SPTBN2: variants seen among roughly 807,000 people sequenced by gnomAD.
The protein encoded by SPTBN2 is spectrin beta chain, non-erythrocytic 2.
A neutral mutation model predicts 284.2 loss-of-function variants in SPTBN2; 107 were observed. The observed-to-expected ratio is 0.38, with a 90% CI of 0.32 to 0.44. The LOEUF (loss-of-function observed/expected upper bound fraction) is 0.44. Ranked by LOEUF, SPTBN2 falls within the 20% of genes least tolerant of loss-of-function variation. The probability of loss-of-function intolerance (pLI) is 1.00; values close to 1 mark genes in which losing one functional copy is unlikely to be tolerated. For synonymous variants in SPTBN2, 1,289 were observed against 1,354.8 expected (o/e 0.95, Z 1.07); for missense variants, 2,569 against 3,287.1 (o/e 0.78, Z 5.34).
intron 1 of SPTBN2, among the ~76,000 whole-genome samples, chr11:66,743,783 A>G (rs951281408): frequency 6.6e-6 from 1 of 152,140 alleles, no homozygotes; most frequent in Non-Finnish European, 1.5e-5. Flanking sequence ...CCCAGGTCCC[A>G]CCTTTGCGGG....
upstream of SPTBN2, among the ~76,000 whole-genome samples, chr11:66,731,234 T>C (rs897164014): frequency 6.6e-6 from 1 of 152,222 alleles, no homozygotes; most frequent in African/African-American, 2.4e-5. Context: ...GCACATTGAA[T>C]AAAGAGAACA....
rs1472239511 is a variant in SPTBN2, at chr11:66,690,043, G to A, written c.5806C>T (p.Pro1936Ser). ...CCTGAGCCCTGGGATTCTCACCGGG[G>A]ACGCTCCTGGGCATCCATCTGCAGG... is the stretch of plus-strand genomic sequence containing the variant. ...VNLQMDAQER[P>S]RDVSSADLVI... The change falls in exon 28 of 38, where the codon CCC (proline) becomes TCC (serine). Residue 1936 changes from proline to serine, a missense_variant. Physicochemically the swap from Pro to Ser is moderately conservative, Grantham distance 74. Coordinates refer to ENST00000533211, the MANE Select transcript of SPTBN2 (RefSeq NM_006946.4). 1 of 1,614,126 alleles carries A rather than the reference G, an allele frequency of 6.2e-7. No homozygotes were observed. Among genetic ancestry groups the A allele is most frequent in the Admixed American group, 1.7e-5 (1 of 60,016 alleles).
intron 3 of SPTBN2, 50 bp downstream of exon 3, chr11:66,721,034 G>C: frequency 6.2e-7 from 1 of 1,613,038 alleles, no homozygotes; most frequent in South Asian, 1.1e-5. Flanking sequence ...ATGACGAGCT[G>C]ACAAAGCCTC....
At position 66,688,323 on chromosome 11, in the gene SPTBN2, T is replaced by C. The variant is rs1394635628; in HGVS notation, c.6232-12A>G. ...TCCCGCTCCTCTAGCTGTCAAAAAA[T>C]GCTGCATTCAGCGTGTAGAAGGTTG... On this transcript the variant is annotated splice_polypyrimidine_tract_variant and intron_variant, in intron 31 of 37. Coordinates refer to ENST00000533211, the MANE Select transcript of SPTBN2 (RefSeq NM_006946.4). The C allele has an allele frequency of 6.4e-7, 1 of 1,574,102 alleles. No homozygotes were observed. The highest frequency in any genetic ancestry group is 1.9e-5 in the Admixed American group (1 of 53,638).
At chr11:66,726,246 T>C (rs1330046288) in intron 1 of SPTBN2, among the ~76,000 whole-genome samples, 1 of 152,230 alleles carries the variant, frequency 6.6e-6, no homozygotes, top group African/African-American at 2.4e-5. Context: ...GACCTGCTCC[T>C]GGGCTGGAAT....
intron 16 of SPTBN2, 151 bp from the exon 17 acceptor site, chr11:66,701,433 T>C: frequency 6.6e-7 from 1 of 1,514,604 alleles, no homozygotes; most frequent in Non-Finnish European, 9.0e-7. Context: ...CTCTCATCTC[T>C]TTCATCCTTT....
In SPTBN2 at chr11:66,694,336, C is replaced by A; in HGVS notation, c.4306G>T (p.Glu1436Ter). ...GCCTGGATTGCCTCCACCTCCTTCT[C>A]TCTCACAGCCATCTCCCATTCCAGC... ...QMLEWEMAVR[E>*]KEVEAIQAQA... Residue 1436 changes from glutamate to a stop codon, truncating the protein, a stop_gained, in exon 22 of 38, where the codon GAG becomes TAG. Transcript: ENST00000533211. LOFTEE classifies it high-confidence loss of function. 6.2e-7 allele frequency: 1 copy of A among 1,614,212 alleles called. No homozygotes were observed. Among genetic ancestry groups the A allele is most frequent in the Non-Finnish European group, 8.5e-7 (1 of 1,180,026 alleles).
intron 37 of SPTBN2, 100 bp downstream of exon 37, chr11:66,686,298 C>T (rs1438610481): frequency 2.0e-6 from 3 of 1,536,714 alleles, no homozygotes; most frequent in Non-Finnish European, 2.7e-6. Flanking sequence ...CCACAAAGGA[C>T]AAGACCAGGA....
chr11:66,704,947 GC>G lies in SPTBN2; in HGVS notation c.2328del (p.His777ThrfsTer9). The G allele has an allele frequency of 6.2e-7, 1 of 1,610,410 alleles. No individual in the cohort carries two copies. On this transcript the variant is annotated frameshift_variant, in exon 15 of 38. Coordinates refer to ENST00000533211, the MANE Select transcript of SPTBN2 (RefSeq NM_006946.4). LOFTEE classifies it high-confidence loss of function. ...AGAGCCTGCGTGGAGAACTCGTCGTGCCCCAGCTCGGGGCTGGACACCAGGC... is the reference window on the plus strand; with the variant it reads ...AGAGCCTGCGTGGAGAACTCGTCGTGCCCAGCTCGGGGCTGGACACCAGGC... ...ALRLVSSPELGHDEFSTQALA... is the reference protein window; with the variant it reads ...ALRLVSSPELXHDEFSTQALA...
At chr11:66,728,254 TGCAGGCAGCGGCCGGGCGCACG>T (rs1942704430) in intron 1 of SPTBN2, 1 of 143,654 alleles carries the variant, frequency 7.0e-6, no homozygotes, top group Non-Finnish European at 1.5e-5. Context: ...GACGGGCGGT[TGCAGGCAGCGGCCGGGCGCACG>T]GCGGGCGGCG....
intron 21 of SPTBN2, among the ~76,000 whole-genome samples, chr11:66,696,013 A>T (rs1215362970): frequency 6.6e-6 from 1 of 152,214 alleles, no homozygotes; most frequent in Non-Finnish European, 1.5e-5. Flanking sequence ...CTGAGATTAC[A>T]GGCATGAGCC....
rs377073026 is a variant in SPTBN2 at position 66,688,725 on chromosome 11, C to T, written c.6159G>A (p.Lys2053=). 8.3e-5 allele frequency: 134 copies of T among 1,613,738 alleles called. No individual in the cohort carries two copies. The highest frequency in any genetic ancestry group is 1.1e-4 in the Non-Finnish European group (131 of 1,180,038). ...CTGACTTCTGGAAGGCCTCGTGCCG[C>T]TTGATGAGGCTCTCAACTTCGTCGA... The part of the protein sequence containing the change: ...CTVDEVESLI[K]RHEAFQKSAV... Residue 2053 remains lysine, a synonymous_variant, in exon 31 of 38, where the codon AAG becomes AAA. Coordinates refer to ENST00000533211, the MANE Select transcript of SPTBN2 (RefSeq NM_006946.4).
At chr11:66,737,525 A>G (rs1327880061) in intron 1 of SPTBN2, among the ~76,000 whole-genome samples, 1 of 152,208 alleles carries the variant, frequency 6.6e-6, no homozygotes, top group Non-Finnish European at 1.5e-5. Context: ...CAATGGGTGG[A>G]AGACATGGGG....
Position 66,708,109 on chromosome 11 carries a change from A to G in SPTBN2, c.1350+32T>C, listed in dbSNP as rs1168095374. 1.2e-6 allele frequency: 2 copies of G among 1,612,744 alleles called. No individual in the cohort carries two copies. The highest frequency in any genetic ancestry group is 3.3e-4 in the Middle Eastern group (2 of 6,060). ...CCCTGTCTCTCTCCCAGTTCTGACC[A>G]GCCTAAGCATCCTAGGAGCCTCAAG... On this transcript the variant is annotated intron_variant, in intron 12 of 37. Coordinates refer to ENST00000533211, the MANE Select transcript of SPTBN2 (RefSeq NM_006946.4). The surrounding 1 kb of genome is among the most constrained non-coding windows in gnomAD (Gnocchi z 4.4).
intron 37 of SPTBN2, 78 bp from the exon 38 acceptor site, chr11:66,686,182 G>C: frequency 6.7e-7 from 1 of 1,481,914 alleles, no homozygotes; most frequent in Non-Finnish European, 9.4e-7. Context: ...GGAAGTGTAA[G>C]AGGAGGAGGC....
At chr11:66,713,790 T>C (rs751854036) in intron 7 of SPTBN2, 44 bp from the exon 8 acceptor site, 4 of 1,478,944 alleles carry the variant, frequency 2.7e-6, no homozygotes, top group Non-Finnish European at 3.8e-6. Flanking sequence ...ACATGTGAGA[T>C]CTCGAAGAGG....
Position 66,687,421 on chromosome 11 carries a change from C to G in SPTBN2, c.6722+6G>C. 6.2e-7 allele frequency: 1 copy of G among 1,604,898 alleles called. No individual in the cohort carries two copies. The highest frequency in any genetic ancestry group is 8.5e-7 in the Non-Finnish European group (1 of 1,179,948). ...CCTCTGAGAGCAGGCTCCAGAGAGG[C>G]TGTACCTGTTGGCAGCCTTCTTCCC... On this transcript the variant is annotated splice_donor_region_variant and intron_variant, in intron 35 of 37. Coordinates refer to ENST00000533211, the MANE Select transcript of SPTBN2 (RefSeq NM_006946.4). This position sits in a 1 kb window ranked among gnomAD's most constrained non-coding sequence, Gnocchi z 5.2.
chr11:66,724,242 G>A (rs973548586), intron 1 of SPTBN2, among the ~76,000 whole-genome samples: 7 of 152,140 alleles, frequency 4.6e-5, no homozygotes, highest in Admixed American at 6.5e-5. Flanking sequence ...CCAACAAGGC[G>A]AAACCCCCGT....
upstream of SPTBN2, among the ~76,000 whole-genome samples, chr11:66,734,219 G>A (rs1481604468): frequency 6.6e-6 from 1 of 151,828 alleles, no homozygotes; most frequent in Admixed American, 6.6e-5. Context: ...GTTATTGATG[G>A]TGGTGTTTTG....
Sources: gnomAD v4.1 joint callset for allele counts (sites outside exome capture counted in the v4.1 genomes callset) on GRCh38, gnomAD v4.1.1 for gene constraint, Gnocchi (gnomAD v3.1) non-coding constraint, MANE v1.5 for transcripts, NCBI Gene and HGNC (gene_info 2026-07-23, HGNC 2026-07-21) for gene names.